Variants in SLC25A48 observed in about 807,000 individuals in gnomAD.
SLC25A48 encodes CTC-321K16.1.
In SLC25A48, 29 loss-of-function variants were observed where a neutral mutation model predicts 32.2. The observed-to-expected ratio is 0.90, with a 90% confidence interval of 0.67 to 1.23. SLC25A48 has a LOEUF of 1.23. Ranked by LOEUF, SLC25A48 falls within the 50% of genes most tolerant of loss-of-function variation. SLC25A48 has a pLI of 0.00. For synonymous variants in SLC25A48, 164 were observed against 172.3 expected (o/e 0.95, Z 0.38); for missense variants, 399 against 422.7 (o/e 0.94, Z 0.49).
intron 3 of SLC25A48, among the ~76,000 whole-genome samples, chr5:135,762,320 G>A (rs1283164086): frequency 6.6e-6 from 1 of 152,174 alleles, no homozygotes; most frequent in Non-Finnish European, 1.5e-5. Context: ...TGCTGAAAAT[G>A]GGGGTGAAGG....
intron 2 of SLC25A48, among the ~76,000 whole-genome samples, chr5:135,849,709 A>C (rs1436265096): frequency 1.3e-5 from 2 of 152,204 alleles, no homozygotes; most frequent in Non-Finnish European, 2.9e-5. Flanking sequence ...AAAGATGAGC[A>C]GGAGCTGGAG....
chr5:135,662,587 C>T lies in SLC25A48; in HGVS notation c.-521+27631C>T, dbSNP rs150814248. ...AATGGGGAGACCCCTGGGCCTGGGGCCAGCAGACCTGAGTTCAAATCCTGG... is the reference window on the plus strand; with the variant it reads ...AATGGGGAGACCCCTGGGCCTGGGGTCAGCAGACCTGAGTTCAAATCCTGG... On this transcript the variant is annotated intron_variant, in intron 3 of 10. Coordinates refer to the SLC25A48 transcript ENST00000646290. Among the ~76,000 whole-genome samples, 7 of 152,190 alleles carry T rather than the reference C, an allele frequency of 4.6e-5. No homozygotes were observed. The East Asian group carries it at 1.4e-3, about 29-fold the overall frequency.
chr5:135,589,811 C>T (rs535464840), intron 1 of SLC25A48, among the ~76,000 whole-genome samples: 1 of 152,294 alleles, frequency 6.6e-6, no homozygotes, highest in East Asian at 1.9e-4. Context: ...TCTCCTGCTT[C>T]AGCCTCCCGA....
chr5:135,778,510 A>G (rs1246178306), intron 3 of SLC25A48, among the ~76,000 whole-genome samples: 1 of 150,746 alleles, frequency 6.6e-6, no homozygotes, highest in African/African-American at 2.4e-5. Flanking sequence ...GGATGATATT[A>G]CTCCCAATGT....
chr5:135,789,541 C>T (rs67655763), intron 3 of SLC25A48, among the ~76,000 whole-genome samples: 97,071 of 149,558 alleles, frequency 0.65, 34,091 homozygotes, highest in Non-Finnish European at 0.78. Context: ...TGGTATTACT[C>T]CCCATGTTGC....
intron 3 of SLC25A48, among the ~76,000 whole-genome samples, chr5:135,774,055 T>C (rs1209103053): frequency 6.6e-6 from 1 of 151,314 alleles, no homozygotes; most frequent in Admixed American, 6.6e-5. Context: ...GCAGGGGGTA[T>C]ACACTCTCCC....
chr5:135,759,039 T>A (rs1354497058), intron 3 of SLC25A48, among the ~76,000 whole-genome samples: 1 of 151,872 alleles, frequency 6.6e-6, no homozygotes, highest in Non-Finnish European at 1.5e-5. Context: ...GTTGACACAC[T>A]ATAATATTAA....
intron 3 of SLC25A48, among the ~76,000 whole-genome samples, chr5:135,789,739 G>GA (rs1756972266): frequency 6.6e-6 from 1 of 151,742 alleles, no homozygotes; most frequent in African/African-American, 2.4e-5. Flanking sequence ...ATATTAAGGG[G>GA]GGATAGCCTG....
chr5:135,863,183 G>A (rs77734555), intron 4 of SLC25A48, among the ~76,000 whole-genome samples: 126 of 152,236 alleles, frequency 8.3e-4, no homozygotes, highest in African/African-American at 2.9e-3. Flanking sequence ...CCCCAAAGTT[G>A]GATGACAATG....
chr5:135,792,135 CAT>C (rs1177458765), intron 3 of SLC25A48, among the ~76,000 whole-genome samples: 1 of 151,650 alleles, frequency 6.6e-6, no homozygotes, highest in Admixed American at 6.6e-5. Context: ...TTATTCATAA[CAT>C]CCAAGGAGCA....
At chr5:135,708,886 A>G (rs1754585362) in intron 3 of SLC25A48, among the ~76,000 whole-genome samples, 1 of 152,208 alleles carries the variant, frequency 6.6e-6, no homozygotes, top group Non-Finnish European at 1.5e-5. Flanking sequence ...GCTGGCTCTC[A>G]TCACAATCAT....
chr5:135,647,678 T>A (rs1301187189), intron 3 of SLC25A48, among the ~76,000 whole-genome samples: 2 of 152,158 alleles, frequency 1.3e-5, no homozygotes, highest in Admixed American at 1.3e-4. Context: ...CTTTGCATTG[T>A]GCTCATGGCA....
intron 3 of SLC25A48, among the ~76,000 whole-genome samples, chr5:135,721,241 G>A (rs1308824137): frequency 3.8e-5 from 3 of 79,372 alleles, no homozygotes; most frequent in East Asian, 3.4e-4. Context: ...TTGCTCTGTC[G>A]CCCAGGCTGG....
chr5:135,857,663 G>C (rs1760444195), intron 4 of SLC25A48, among the ~76,000 whole-genome samples: 1 of 152,202 alleles, frequency 6.6e-6, no homozygotes, highest in African/African-American at 2.4e-5. Flanking sequence ...AGAGGAACTG[G>C]GTGCCTACAA....
At chr5:135,879,788 G>A (rs529053338) in intron 6 of SLC25A48, among the ~76,000 whole-genome samples, 180 bp from the exon 7 acceptor site, 19 of 152,320 alleles carry the variant, frequency 1.2e-4, no homozygotes, top group African/African-American at 2.6e-4. Context: ...GGCATGACGC[G>A]GGTCAGGGCA....
At chr5:135,596,927 A>G (rs951799041) in intron 1 of SLC25A48, among the ~76,000 whole-genome samples, 1 of 152,172 alleles carries the variant, frequency 6.6e-6, no homozygotes, top group African/African-American at 2.4e-5. Context: ...CAGCTCTGCC[A>G]CTGACTAGCT....
intron 4 of SLC25A48, among the ~76,000 whole-genome samples, chr5:135,853,423 CCT>C (rs1325940851): frequency 3.9e-5 from 6 of 152,166 alleles, no homozygotes; most frequent in Non-Finnish European, 8.8e-5. Context: ...CCTCTCAAAC[CCT>C]GACGCTGCTT....
chr5:135,710,346 T>G (rs1754623060), intron 3 of SLC25A48, among the ~76,000 whole-genome samples: 1 of 152,228 alleles, frequency 6.6e-6, no homozygotes. Context: ...GTGAGACGGC[T>G]CCAGCTCACT....
rs1018796783 is a variant in SLC25A48 at position 135,852,673 on chromosome 5, C to A, written c.273C>A (p.Arg91=). 1.9e-6 allele frequency: 3 copies of A among 1,613,886 alleles called. No individual in the cohort carries two copies. The highest frequency in any genetic ancestry group is 2.5e-6 in the Non-Finnish European group (3 of 1,179,836). ...CGCAGCGGTTCCTCAGCCAGCACCG[C>A]TGCGGGGAGCCAGAGGCCAGTCCTC... is the stretch of plus-strand genomic sequence containing the variant. ...SNTQRFLSQH[R]CGEPEASPPR... Residue 91 remains arginine (R), a synonymous_variant, in exon 4 of 8, where the codon CGC becomes CGA. Coordinates refer to ENST00000681962, the MANE Select transcript of SLC25A48 (RefSeq NM_001349336.2).
Sources: allele counts gnomAD v4.1 joint callset (sites outside exome capture counted in the v4.1 genomes callset), GRCh38; gene constraint gnomAD v4.1.1; transcripts MANE v1.5; gene names NCBI Gene and HGNC (gene_info 2026-07-23, HGNC 2026-07-21).